Variants in THADA observed in about 807,000 individuals in gnomAD.
THADA encodes the protein tRNA (32-2'-O)-methyltransferase regulator THADA.
THADA carries 213 observed loss-of-function variants against 219.8 expected under a neutral mutation model. That is an observed-to-expected ratio of 0.97 (90% CI 0.87 to 1.09). The LOEUF is 1.09. Among genes scored for constraint, THADA ranks in the 50% least tolerant of loss-of-function variants. The pLI, the probability that THADA is intolerant of heterozygous loss-of-function variation, is 0.00. For missense variants in THADA, 2,956 were observed against 2,311.3 expected, an observed-to-expected ratio of 1.28 and a Z score of -5.72; for synonymous variants, 1,018 against 828.9, an observed-to-expected ratio of 1.23 and a Z score of -3.92.
At chr2:43,417,037 CTT>C (rs67993873) in intron 28 of THADA, among the ~76,000 whole-genome samples, 2,581 of 93,712 alleles carry the variant, frequency 0.028, 19 homozygotes, top group African/African-American at 0.058. Flanking sequence ...TGGCTGTTTT[CTT>C]TTTTTTTTTT....
At chr2:43,319,695 T>A (rs1194457839) in intron 31 of THADA, among the ~76,000 whole-genome samples, 2 of 152,168 alleles carry the variant, frequency 1.3e-5, no homozygotes, top group Non-Finnish European at 2.9e-5. Flanking sequence ...ACTTTGTAAT[T>A]CTAGCCTCCT....
rs775293019 is a variant in THADA, at chr2:43,398,175, T to A, written c.4059-36A>T. On this transcript the variant is annotated intron_variant, in intron 28 of 37. Transcript: ENST00000405975. ...ATAAAAACACAAGACCATTCAATAG[T>A]CATCTCCACATCTGTGACTTTGTAT... is the stretch of plus-strand genomic sequence containing the variant. 1.7e-5 allele frequency: 27 copies of A among 1,599,596 alleles called. No homozygotes were observed. In the East Asian group the frequency reaches 6.0e-4, roughly 36 times the overall value.
intron 26 of THADA, among the ~76,000 whole-genome samples, chr2:43,484,854 C>A (rs1686695754): frequency 6.6e-6 from 1 of 150,508 alleles, no homozygotes. Flanking sequence ...AAACTTCCAC[C>A]TATAAAATTA....
intron 26 of THADA, among the ~76,000 whole-genome samples, chr2:43,449,530 A>AAAAGAC (rs1491103593): frequency 6.6e-6 from 1 of 152,222 alleles, no homozygotes; most frequent in African/African-American, 2.4e-5. Context: ...TCAAACTGTC[A>AAAAGAC]AAAGACAAAG....
In THADA at chr2:43,428,201, G is replaced by A; in HGVS notation, c.3957C>T (p.Ser1319=). 6.2e-7 allele frequency: 1 copy of A among 1,604,926 alleles called. No homozygotes were observed. Among genetic ancestry groups the A allele is most frequent in the Non-Finnish European group, 8.5e-7 (1 of 1,174,862 alleles). The change falls in exon 28 of 38, where the codon AGC becomes AGT. Residue 1319 remains serine (S), a synonymous_variant. Coordinates refer to ENST00000405975, the MANE Select transcript of THADA (RefSeq NM_022065.5). ...CCAACACCAAAAGTAAGAGAAACAT[G>A]CTTGGATGACGATTTGGTTCTCCCA... The part of the protein sequence containing the change: ...SDMGEPNRHP[S]MFLLLLVLER...
chr2:43,587,189 C>A (rs1217180987), intron 4 of THADA, among the ~76,000 whole-genome samples, 187 bp from the exon 5 acceptor site: 1 of 152,144 alleles, frequency 6.6e-6, no homozygotes, highest in African/African-American at 2.4e-5. Context: ...TCCCTGCTTC[C>A]ACCTTGCTTC....
At chr2:43,520,278 G>A (rs949091860) in intron 22 of THADA, among the ~76,000 whole-genome samples, 4 of 152,068 alleles carry the variant, frequency 2.6e-5, no homozygotes, top group South Asian at 2.1e-4. Flanking sequence ...CTATCTTGTC[G>A]AATTAATACA....
intron 26 of THADA, among the ~76,000 whole-genome samples, chr2:43,477,881 T>C (rs1051813924): frequency 1.1e-4 from 16 of 152,228 alleles, no homozygotes; most frequent in African/African-American, 3.9e-4. Context: ...GTGTTCCAAC[T>C]TCTACATCTC....
chr2:43,288,852 T>C (rs1240609390), intron 34 of THADA, among the ~76,000 whole-genome samples: 4 of 152,250 alleles, frequency 2.6e-5, no homozygotes, highest in African/African-American at 9.6e-5. Context: ...CAGTGAACTC[T>C]GGTATATTCA....
intron 29 of THADA, among the ~76,000 whole-genome samples, chr2:43,346,517 T>C (rs1223497790): frequency 6.6e-6 from 1 of 152,134 alleles, no homozygotes; most frequent in East Asian, 1.9e-4. Context: ...CAAAGAATTC[T>C]GAGGCTAAGA....
At chr2:43,499,068 T>C (rs1688613348) in intron 24 of THADA, 113 bp from the exon 25 acceptor site, 1 of 1,139,842 alleles carries the variant, frequency 8.8e-7, no homozygotes, top group Non-Finnish European at 1.2e-6. Context: ...TTACAAGAAA[T>C]GGATAATCCG....
intron 22 of THADA, among the ~76,000 whole-genome samples, chr2:43,515,086 ATATATATATTATATATAATATATTT>A (rs1206651887): frequency 1.2e-4 from 1 of 8,180 alleles, no homozygotes; most frequent in Non-Finnish European, 2.2e-4. Flanking sequence ...ATATATATAA[ATATATATATTATATATAATATATTT>A]TATATATAAT....
At chr2:43,353,952 G>T (rs1456674951) in intron 29 of THADA, among the ~76,000 whole-genome samples, 1 of 152,096 alleles carries the variant, frequency 6.6e-6, no homozygotes, top group Non-Finnish European at 1.5e-5. Context: ...CGAGTAGCTA[G>T]GACTACAGGT....
At chr2:43,443,250 G>A (rs1445071608) in intron 26 of THADA, among the ~76,000 whole-genome samples, 1 of 152,316 alleles carries the variant, frequency 6.6e-6, no homozygotes, top group African/African-American at 2.4e-5. Context: ...CAAGGACAGA[G>A]TCCTTAAGAC....
chr2:43,476,601 G>C (rs572033124), intron 26 of THADA, among the ~76,000 whole-genome samples: 2 of 152,238 alleles, frequency 1.3e-5, no homozygotes, highest in Admixed American at 1.3e-4. Flanking sequence ...GTTAACAGAC[G>C]GTGCTATTAC....
At chr2:43,548,790 G>C (rs1001984573) in intron 20 of THADA, among the ~76,000 whole-genome samples, 2 of 152,210 alleles carry the variant, frequency 1.3e-5, no homozygotes, top group Non-Finnish European at 2.9e-5. Flanking sequence ...CTTTGACTAG[G>C]AAAGGGAACT....
At chr2:43,339,108 G>C (rs190517098) in intron 30 of THADA, among the ~76,000 whole-genome samples, 19 of 152,252 alleles carry the variant, frequency 1.2e-4, no homozygotes, top group Admixed American at 1.2e-3. Context: ...ACCAATAATA[G>C]TGATTTATGG....
At chr2:43,462,460 G>T (rs909965082) in intron 26 of THADA, among the ~76,000 whole-genome samples, 2 of 152,122 alleles carry the variant, frequency 1.3e-5, no homozygotes, top group Non-Finnish European at 1.5e-5. Flanking sequence ...AAAAACAGGG[G>T]AGGCTACCTT....
intron 1 of THADA, 133 bp from the exon 2 acceptor site, chr2:43,592,549 A>C: frequency 2.0e-6 from 1 of 507,990 alleles, no homozygotes; most frequent in East Asian, 3.3e-5. Flanking sequence ...ATCTCTACCC[A>C]CTAGATGCCA....
Sources: allele counts gnomAD v4.1 joint callset (sites outside exome capture counted in the v4.1 genomes callset), GRCh38; gene constraint gnomAD v4.1.1; transcripts MANE v1.5; gene names NCBI Gene and HGNC (gene_info 2026-07-23, HGNC 2026-07-21).